The following CFAP46 variants were observed in gnomAD, a reference collection of about 807,000 sequenced individuals.
The protein encoded by CFAP46 is cilia- and flagella-associated protein 46.
A neutral mutation model predicts 325.7 loss-of-function variants in CFAP46; 245 were observed. The ratio of observed to expected loss-of-function variants is 0.75; its 90% confidence interval spans 0.68 to 0.84. The LOEUF is 0.84. Ranked by LOEUF, CFAP46 falls within the 40% of genes least tolerant of loss-of-function variation. The probability of loss-of-function intolerance (pLI) is 0.00; values close to 1 mark genes in which losing one functional copy is unlikely to be tolerated. For synonymous variants in CFAP46, 1,523 were observed against 1,495.9 expected (o/e 1.02, Z -0.42); for missense variants, 3,346 against 3,543.0 (o/e 0.94, Z 1.41).
rs1042261619 is a variant in CFAP46 at position 132,899,546 on chromosome 10, C to T, written c.3045G>A (p.Thr1015=). The change falls in exon 23 of 58, where the codon ACG becomes ACA. Residue 1015 remains threonine, a synonymous_variant. Coordinates refer to ENST00000368586, the MANE Select transcript of CFAP46 (RefSeq NM_001200049.3). ...QLRLVAAKAF[T]ESARFGGIAG... ...TTAGAGCCACACACCTGGCGCTCTC[C>T]GTGAAGGCCTTGGCTGCCACCAGTC... 9.0e-6 allele frequency: 14 copies of T among 1,547,998 alleles called. No individual in the cohort carries two copies. Among genetic ancestry groups the T allele is most frequent in the Middle Eastern group, 4.1e-4 (2 of 4,928 alleles).
chr10:132,824,292 A>G (rs111210382), intron 50 of CFAP46, among the ~76,000 whole-genome samples: 2 of 56,994 alleles, frequency 3.5e-5, no homozygotes, highest in Admixed American at 2.6e-4. Context: ...CTGAGTGCTG[A>G]TGTGTGCTGT....
At chr10:132,933,703 G>A (rs1265747427) in intron 8 of CFAP46, among the ~76,000 whole-genome samples, 1 of 152,222 alleles carries the variant, frequency 6.6e-6, no homozygotes, top group Non-Finnish European at 1.5e-5. Flanking sequence ...TCAATGTTGG[G>A]CAGGTGCCAC....
chr10:132,846,216 G>A lies in CFAP46; in HGVS notation c.6279C>T (p.Ala2093=). 5 of 1,611,782 alleles carry A rather than the reference G, an allele frequency of 3.1e-6. No individual in the cohort carries two copies. Among genetic ancestry groups the A allele is most frequent in the Non-Finnish European group, 2.5e-6 (3 of 1,179,602 alleles). ...QFLALSQSCS[A]SETMRDVLLA... ...GCAGGACATCCCTCATCGTCTCTGAGGCCGAGCAGCTCTGAAAGGGAGCAG... is the reference window on the plus strand; with the variant it reads ...GCAGGACATCCCTCATCGTCTCTGAAGCCGAGCAGCTCTGAAAGGGAGCAG... The change falls in exon 44 of 58, where the codon GCC becomes GCT. Residue 2093 remains alanine (A), a synonymous_variant. Transcript: ENST00000368586.
At position 132,814,685 on chromosome 10, in the gene CFAP46, C is replaced by T. The variant is rs756860359; in HGVS notation, c.7249+1G>A. On this transcript the variant is annotated splice_donor_variant, in intron 52 of 57. Transcript: ENST00000368586. LOFTEE classifies it high-confidence loss of function. ...CCCCCCCGGGGCCCATCAAAGGATA[C>T]ACTTGAAGTTGTCTGAGTCGACTAT... 7.5e-6 allele frequency: 12 copies of T among 1,601,564 alleles called. No homozygotes were observed. The highest frequency in any genetic ancestry group is 1.0e-5 in the Non-Finnish European group (12 of 1,174,000).
At chr10:132,820,314 G>A (rs184710285) in intron 50 of CFAP46, among the ~76,000 whole-genome samples, 55 of 150,940 alleles carry the variant, frequency 3.6e-4, no homozygotes, top group Non-Finnish European at 4.6e-4. Context: ...GCAGCTCACA[G>A]AAGCAGAGTG....
Position 132,937,596 on chromosome 10 carries a change from T to TC in CFAP46, c.615_616insG (p.Lys206GlufsTer19), listed in dbSNP as rs1850029278. 1 of 1,613,590 alleles carries TC rather than the reference T, an allele frequency of 6.2e-7. No homozygotes were observed. The highest frequency in any genetic ancestry group is 1.3e-5 in the African/African-American group (1 of 74,954). ...CGGTATTTCTGTGGCACGTGAGACT[T>TC]AATGAACGGAGCTGCCGTGGAGCAG... On this transcript the variant is annotated frameshift_variant, in exon 6 of 58. Coordinates refer to ENST00000368586, the MANE Select transcript of CFAP46 (RefSeq NM_001200049.3). LOFTEE classifies it high-confidence loss of function.
At chr10:132,822,356 GTGTGCAGTGA>G (rs1325418164) in intron 50 of CFAP46, among the ~76,000 whole-genome samples, 34 of 145,544 alleles carry the variant, frequency 2.3e-4, no homozygotes, top group Non-Finnish European at 4.0e-4. Flanking sequence ...TGTGTGCTGT[GTGTGCAGTGA>G]TGTGTGCTGT....
chr10:132,885,568 G>A (rs1159894861), intron 26 of CFAP46, among the ~76,000 whole-genome samples: 1 of 151,822 alleles, frequency 6.6e-6, no homozygotes, highest in African/African-American at 2.4e-5. Context: ...CAGGCAGAGG[G>A]GGACAGCGTG....
chr10:132,934,351 G>A (rs997291216), intron 8 of CFAP46, among the ~76,000 whole-genome samples: 1 of 136,294 alleles, frequency 7.3e-6, no homozygotes, highest in Non-Finnish European at 1.5e-5. Context: ...CAGGATACCA[G>A]CCCAGGACTT....
chr10:132,829,866 G>A (rs568079192), intron 50 of CFAP46, among the ~76,000 whole-genome samples: 3 of 152,218 alleles, frequency 2.0e-5, no homozygotes, highest in East Asian at 3.9e-4. Flanking sequence ...TTGTATTTCT[G>A]GGTTAAAACC....
At chr10:132,867,183 C>T (rs1186109937) in intron 34 of CFAP46, among the ~76,000 whole-genome samples, 192 bp downstream of exon 34, 2 of 149,356 alleles carry the variant, frequency 1.3e-5, no homozygotes, top group African/African-American at 4.9e-5. Context: ...CTGACACACA[C>T]ACAGGCCGGC....
At position 132,866,139 on chromosome 10, in the gene CFAP46, G is replaced by C. The variant is rs1848809768; in HGVS notation, c.4776C>G (p.Asp1592Glu). Residue 1592 changes from aspartate to glutamate, a missense_variant, in exon 35 of 58, where the codon GAC becomes GAG. By Grantham distance (45) the Asp-to-Glu change is conservative (BLOSUM62 2). Coordinates refer to ENST00000368586, the MANE Select transcript of CFAP46 (RefSeq NM_001200049.3). ...GGTGGGGAAAGGACGTCCCATCCAGGTCCCTCCCGGTCTCCCCATTCATCT... is the reference window on the plus strand; with the variant it reads ...GGTGGGGAAAGGACGTCCCATCCAGCTCCCTCCCGGTCTCCCCATTCATCT... ...ILKMNGETGR[D>E]LDGTSFPHLW... 1 of 1,536,994 alleles carries C rather than the reference G, an allele frequency of 6.5e-7. No homozygotes were observed. Among genetic ancestry groups the C allele is most frequent in the Admixed American group, 2.1e-5 (1 of 48,362 alleles).
At chr10:132,921,174 G>T (rs1240415780) in intron 13 of CFAP46, among the ~76,000 whole-genome samples, 1 of 152,198 alleles carries the variant, frequency 6.6e-6, no homozygotes, top group African/African-American at 2.4e-5. Flanking sequence ...GCTGCAGTCT[G>T]GGTGACACCT....
intron 39 of CFAP46, among the ~76,000 whole-genome samples, chr10:132,856,012 T>G (rs12767031): frequency 0.45 from 68,441 of 152,138 alleles, 15,651 homozygotes; most frequent in Admixed American, 0.57. Context: ...CCTGCAGGGC[T>G]CAGCCACTGA....
intron 44 of CFAP46, among the ~76,000 whole-genome samples, chr10:132,845,369 A>C (rs556285903): frequency 1.3e-5 from 2 of 152,288 alleles, no homozygotes; most frequent in African/African-American, 4.8e-5. Flanking sequence ...TCACAATGGC[A>C]GGGGTGCTCC....
At chr10:132,890,628 C>T (rs1442710837) in intron 25 of CFAP46, among the ~76,000 whole-genome samples, 2 of 152,178 alleles carry the variant, frequency 1.3e-5, no homozygotes, top group African/African-American at 2.4e-5. Flanking sequence ...CCAAAACCCT[C>T]GAGACCCCTA....
chr10:132,834,656 G>C lies in CFAP46; in HGVS notation c.6864C>G (p.Ala2288=), dbSNP rs1190818803. Residue 2288 remains alanine, a splice_region_variant and synonymous_variant, in exon 48 of 58, where the codon GCC becomes GCG. Coordinates refer to ENST00000368586, the MANE Select transcript of CFAP46 (RefSeq NM_001200049.3). ...AGCCTCAACGTCATCCCCAGTACCT[G>C]GCCTTGGAGAGGCTGAGCAGGGGGA... The part of the protein sequence containing the change: ...PLFPLLSLSK[A]RVQTPAVVAD... 6 of 1,613,282 alleles carry C rather than the reference G, an allele frequency of 3.7e-6. No individual in the cohort carries two copies. The highest frequency in any genetic ancestry group is 5.1e-6 in the Non-Finnish European group (6 of 1,179,938).
At chr10:132,875,862 A>C (rs1333756284) in intron 31 of CFAP46, among the ~76,000 whole-genome samples, 1 of 152,262 alleles carries the variant, frequency 6.6e-6, no homozygotes, top group Non-Finnish European at 1.5e-5. Flanking sequence ...AAAGGAAAAG[A>C]CTAATGACTC....
Position 132,913,374 on chromosome 10 carries a change from C to T in CFAP46, c.2121-116G>A, listed in dbSNP as rs147252000. On this transcript the variant is annotated intron_variant, in intron 17 of 57. Coordinates refer to ENST00000368586, the MANE Select transcript of CFAP46 (RefSeq NM_001200049.3). ...GCTGCAGGGCAAGAAGTGGGAGGGG[C>T]GGGTGGGCGGCGACCAAACTCCATC... 8.8e-3 allele frequency: 2,732 copies of T among 309,998 alleles called. 73 individuals carry two copies. Among genetic ancestry groups the T allele is most frequent in the African/African-American group, 0.055 (2,368 of 42,804 alleles). The allele number at this position is 309,998 out of a possible 1,614,324, so 19.2% of individuals were successfully genotyped here.
Sources: gnomAD v4.1 joint callset for allele counts (sites outside exome capture counted in the v4.1 genomes callset) on GRCh38, gnomAD v4.1.1 for gene constraint, MANE v1.5 for transcripts, NCBI Gene and HGNC (gene_info 2026-07-23, HGNC 2026-07-21) for gene names.